The following CCDC138 variants were observed in gnomAD, a reference collection of about 807,000 sequenced individuals.
CCDC138 encodes coiled-coil domain-containing protein 138.
In CCDC138, 66 loss-of-function variants were observed where a neutral mutation model predicts 82.3. The ratio of observed to expected loss-of-function variants is 0.80; its 90% CI spans 0.66 to 0.98. CCDC138 has a LOEUF of 0.98. Among genes scored for constraint, CCDC138 ranks in the 50% least tolerant of loss-of-function variants. The pLI is 0.00. For missense variants in CCDC138, 816 were observed against 758.9 expected, an observed-to-expected ratio of 1.08 and a Z score of -0.88; for synonymous variants, 297 against 265.4, an observed-to-expected ratio of 1.12 and a Z score of -1.16.
intron 10 of CCDC138, among the ~76,000 whole-genome samples, chr2:108,831,795 T>C (rs1441652667): frequency 6.6e-6 from 1 of 151,040 alleles, no homozygotes; most frequent in African/African-American, 2.4e-5. Context: ...CGCAATGGCA[T>C]GATCTCGGCC....
chr2:108,817,330 G>A (rs558844481), intron 10 of CCDC138, among the ~76,000 whole-genome samples: 7 of 150,494 alleles, frequency 4.7e-5, no homozygotes, highest in Non-Finnish European at 7.4e-5. Flanking sequence ...GTTTTGCTCT[G>A]TTGCCAGGCT....
chr2:108,846,650 C>G (rs1690532082), intron 11 of CCDC138, 88 bp from the exon 12 acceptor site: 11 of 1,188,410 alleles, frequency 9.3e-6, no homozygotes, highest in Non-Finnish European at 1.2e-5. Context: ...GCATTCCAAC[C>G]TGGGCAACAG....
At chr2:108,806,390 T>G (rs949530466) in intron 7 of CCDC138, among the ~76,000 whole-genome samples, 3 of 152,340 alleles carry the variant, frequency 2.0e-5, no homozygotes, top group Middle Eastern at 3.4e-3. Flanking sequence ...GGGGTGGATA[T>G]GTGGATTATT....
intron 10 of CCDC138, among the ~76,000 whole-genome samples, chr2:108,820,746 A>G (rs1307495779): frequency 6.6e-6 from 1 of 150,752 alleles, no homozygotes; most frequent in African/African-American, 2.4e-5. Flanking sequence ...CAAGAGTACT[A>G]TATCCAGCTA....
intron 3 of CCDC138, among the ~76,000 whole-genome samples, chr2:108,790,912 C>T (rs183579584): frequency 1.0e-3 from 152 of 151,862 alleles, no homozygotes; most frequent in African/African-American, 3.5e-3. Flanking sequence ...CCACTACTCC[C>T]AGCTAATTTA....
At position 108,794,592 on chromosome 2, in the gene CCDC138, T is replaced by A. The variant is rs1330852524; in HGVS notation, c.447T>A (p.Ser149Arg). The A allele has an allele frequency of 6.2e-7, 1 of 1,614,130 alleles. No homozygotes were observed. The highest frequency in any genetic ancestry group is 1.1e-5 in the South Asian group (1 of 91,076). The change falls in exon 5 of 15, where the codon AGT (serine) becomes AGA (arginine). Residue 149 changes from serine (S) to arginine (R), a missense_variant. Ser to Arg is a moderately radical substitution (Grantham distance 110, BLOSUM62 -1). Coordinates refer to ENST00000295124, the MANE Select transcript of CCDC138 (RefSeq NM_144978.3). Reference sequence around the variant, plus strand: ...CGAGACCTCGGACTGAGTGTTGTAGTGATGCAGGTGACTCTCCTTTGAAAC... The same window carrying A: ...CGAGACCTCGGACTGAGTGTTGTAGAGATGCAGGTGACTCTCCTTTGAAAC... ...TSSRPRTECC[S>R]DAGDSPLKPV...
chr2:108,802,391 AT>A (rs1275398549), intron 6 of CCDC138, among the ~76,000 whole-genome samples: 5 of 135,220 alleles, frequency 3.7e-5, no homozygotes, highest in African/African-American at 1.6e-4. Flanking sequence ...CTTTGAAGCA[AT>A]TGTGAATGGG....
At chr2:108,823,318 C>G (rs1431028558) in intron 10 of CCDC138, among the ~76,000 whole-genome samples, 1 of 152,168 alleles carries the variant, frequency 6.6e-6, no homozygotes, top group Non-Finnish European at 1.5e-5. Context: ...GATACCAAAG[C>G]TAGACAAAGA....
chr2:108,825,693 A>G (rs902094916), intron 10 of CCDC138, among the ~76,000 whole-genome samples: 4 of 152,168 alleles, frequency 2.6e-5, no homozygotes, highest in African/African-American at 4.8e-5. Flanking sequence ...TTATTTACCC[A>G]TATCACTTGA....
chr2:108,829,366 C>T (rs1208811054), intron 10 of CCDC138, among the ~76,000 whole-genome samples: 1 of 152,134 alleles, frequency 6.6e-6, no homozygotes, highest in Non-Finnish European at 1.5e-5. Context: ...AGAAATGGCC[C>T]CTAAGCTCAT....
intron 4 of CCDC138, 63 bp from the exon 5 acceptor site, chr2:108,794,477 T>G: frequency 7.0e-7 from 1 of 1,434,666 alleles, no homozygotes; most frequent in Non-Finnish European, 9.5e-7. Context: ...TAAAGGTTAC[T>G]CTGAGAATAT....
At chr2:108,787,956 T>C (rs1210532531) in intron 1 of CCDC138, 76 bp from the exon 2 acceptor site, 1 of 1,217,284 alleles carries the variant, frequency 8.2e-7, no homozygotes, top group South Asian at 1.4e-5. Context: ...AATTAATACA[T>C]AATTTGTGGG....
chr2:108,825,986 A>T (rs914667321), intron 10 of CCDC138, among the ~76,000 whole-genome samples: 1 of 152,126 alleles, frequency 6.6e-6, no homozygotes, highest in Non-Finnish European at 1.5e-5. Flanking sequence ...TATGGTTTTC[A>T]TTCATGTTTC....
rs926716055 is a variant in CCDC138 at position 108,792,403 on chromosome 2, C to T, written c.394+601C>T. ...GGACTTGAGTTTCCTGCTATATGGT[C>T]GATTTTCCCAGTGGAAAACATGGGA... On this transcript the variant is annotated intron_variant, in intron 4 of 14. Coordinates refer to ENST00000295124, the MANE Select transcript of CCDC138 (RefSeq NM_144978.3). Among the ~76,000 whole-genome samples the T allele has an allele frequency of 4.6e-5, 7 of 152,104 alleles. No individual in the cohort carries two copies. In the South Asian group the frequency reaches 8.3e-4, roughly 18 times the overall value.
intron 1 of CCDC138, among the ~76,000 whole-genome samples, chr2:108,787,552 T>C (rs1324611760): frequency 2.6e-5 from 4 of 152,164 alleles, no homozygotes; most frequent in African/African-American, 9.7e-5. Flanking sequence ...TAATCTAGAG[T>C]TCATAAGAAA....
intron 13 of CCDC138, among the ~76,000 whole-genome samples, chr2:108,863,950 A>G (rs572171994): frequency 5.3e-5 from 8 of 152,278 alleles, no homozygotes; most frequent in East Asian, 1.9e-4. Context: ...TAAAAGTTAC[A>G]TAATCACTTT....
intron 10 of CCDC138, among the ~76,000 whole-genome samples, chr2:108,824,902 G>C (rs998189979): frequency 6.6e-6 from 1 of 152,096 alleles, no homozygotes; most frequent in African/African-American, 2.4e-5. Context: ...GTTATATGTG[G>C]TCAGTTGACC....
chr2:108,841,585 TAAA>T (rs1304010626), intron 11 of CCDC138, among the ~76,000 whole-genome samples: 8 of 152,200 alleles, frequency 5.3e-5, no homozygotes, highest in Admixed American at 5.2e-4. Context: ...ATTCATGTTC[TAAA>T]AATATATCTT....
downstream of CCDC138, among the ~76,000 whole-genome samples, chr2:108,879,747 A>G (rs17036982): frequency 0.018 from 2,768 of 152,110 alleles, 74 homozygotes; most frequent in African/African-American, 0.064. Flanking sequence ...AGCCGCTATC[A>G]TTGTTGTGAC....
Sources: allele counts gnomAD v4.1 joint callset (sites outside exome capture counted in the v4.1 genomes callset), GRCh38; gene constraint gnomAD v4.1.1; transcripts MANE v1.5; gene names NCBI Gene and HGNC (gene_info 2026-07-23, HGNC 2026-07-21).